FBXO42: variants seen among roughly 807,000 people sequenced by gnomAD.
FBXO42 encodes F-box only protein 42.
Under a neutral mutation model 71.7 loss-of-function variants are expected in FBXO42, and 12 were observed. That is an observed-to-expected ratio of 0.17 (90% CI 0.11 to 0.27). FBXO42 has a LOEUF of 0.27. Ranked by LOEUF, FBXO42 falls within the 10% of genes least tolerant of loss-of-function variation. FBXO42 has a pLI of 1.00. For missense variants in FBXO42, 707 were observed against 911.9 expected, an observed-to-expected ratio of 0.78 and a Z score of 2.89; for synonymous variants, 325 against 327.5, an observed-to-expected ratio of 0.99 and a Z score of 0.08.
rs372405053 is a variant in FBXO42, at chr1:16,251,154, C to T, written c.1670G>A (p.Arg557His). The change falls in exon 10 of 10, where the codon CGT becomes CAT. Residue 557 changes from arginine (R) to histidine (H), a missense_variant. Arg to His is a conservative substitution (Grantham distance 29). Around this residue, in one of 5 missense-constraint regions of FBXO42, gnomAD observed 482 missense variants for 587.1 expected, o/e 0.82. Transcript: ENST00000375592. This position sits in a 1 kb window ranked among gnomAD's most constrained non-coding sequence, Gnocchi z 4.5. The stretch of plus-strand genomic sequence containing the variant: ...CGCTTTGATGGCTTCCAGACTCCGA[C>T]GCAGGGCACCTGGGGAGACGGCCCC... ...LAGAVSPGAL[R>H]RSLEAIKAMS... is the part of the protein sequence containing the mutation. 3.7e-6 allele frequency: 6 copies of T among 1,614,144 alleles called. No homozygotes were observed. The highest frequency in any genetic ancestry group is 3.3e-5 in the Admixed American group (2 of 60,014).
At chr1:16,311,194 G>A (rs2100568136) in intron 2 of FBXO42, among the ~76,000 whole-genome samples, 1 of 149,554 alleles carries the variant, frequency 6.7e-6, no homozygotes, top group South Asian at 2.1e-4. Context: ...AAAAAAAGGG[G>A]GTCAAAGGCC....
At chr1:16,314,207 C>T (rs375706226) in intron 2 of FBXO42, among the ~76,000 whole-genome samples, 167 of 152,264 alleles carry the variant, frequency 1.1e-3, no homozygotes, top group African/African-American at 3.9e-3. Context: ...GCCTTGGCCT[C>T]GCAAAGTGCT....
intron 1 of FBXO42, among the ~76,000 whole-genome samples, chr1:16,328,688 C>T (rs2082470976): frequency 6.6e-6 from 1 of 152,122 alleles, no homozygotes; most frequent in Non-Finnish European, 1.5e-5. Flanking sequence ...ACTGCAAGGG[C>T]CTACAAGTAA....
chr1:16,294,937 A>G lies in FBXO42; in HGVS notation c.368-20T>C, dbSNP rs2983160. On this transcript the variant is annotated intron_variant, in intron 3 of 9. Coordinates refer to ENST00000375592, the MANE Select transcript of FBXO42 (RefSeq NM_018994.3). ...ATGCACCTAGAAAGAAAATACACAA[A>G]TAACTGCTGTGAAAATTCTGAGGCC... 7.4e-3 allele frequency: 11,588 copies of G among 1,569,392 alleles called. 665 individuals carry two copies. In the African/African-American group the frequency reaches 0.13, roughly 18 times the overall value.
chr1:16,315,949 TC>T (rs2082358898), intron 1 of FBXO42, among the ~76,000 whole-genome samples: 1 of 151,986 alleles, frequency 6.6e-6, no homozygotes, highest in African/African-American at 2.4e-5. Context: ...GGCGGGCAGA[TC>T]ACCTGAAGTT....
At chr1:16,329,525 A>C (rs1195060447) in intron 1 of FBXO42, among the ~76,000 whole-genome samples, 1 of 152,020 alleles carries the variant, frequency 6.6e-6, no homozygotes, top group African/African-American at 2.4e-5. Context: ...CAGAGGTTGC[A>C]GTGAGCCAAG....
intron 4 of FBXO42, among the ~76,000 whole-genome samples, chr1:16,279,756 G>A (rs974360889): frequency 6.6e-6 from 1 of 151,696 alleles, no homozygotes; most frequent in Non-Finnish European, 1.5e-5. Context: ...AGAGAAAAGA[G>A]TAACTCTACA....
At chr1:16,275,354 A>G (rs1409418140) in intron 4 of FBXO42, among the ~76,000 whole-genome samples, 1 of 152,214 alleles carries the variant, frequency 6.6e-6, no homozygotes, top group Admixed American at 6.5e-5. Flanking sequence ...GCGATGGCTC[A>G]TGTCTGTAAT....
Position 16,250,814 on chromosome 1 carries a change from C to G in FBXO42, c.2010G>C (p.Val670=). The part of the protein sequence containing the change: ...VKWKVFNSSS[V]VGPPETSLHT... Reference sequence around the variant, plus strand: ...GCAGGCTGGTTTCAGGAGGTCCAACCACAGAACTGCTATTAAATACTTTCC... The same window carrying G: ...GCAGGCTGGTTTCAGGAGGTCCAACGACAGAACTGCTATTAAATACTTTCC... Residue 670 remains valine (V), a synonymous_variant, in exon 10 of 10, where the codon GTG becomes GTC. Transcript: ENST00000375592. This position sits in a 1 kb window ranked among gnomAD's most constrained non-coding sequence, Gnocchi z 4.7. The G allele has an allele frequency of 6.2e-7, 1 of 1,614,158 alleles. No individual in the cohort carries two copies. Among genetic ancestry groups the G allele is most frequent in the Middle Eastern group, 1.6e-4 (1 of 6,062 alleles).
chr1:16,265,537 T>G (rs529805506), intron 4 of FBXO42, among the ~76,000 whole-genome samples: 1 of 152,282 alleles, frequency 6.6e-6, no homozygotes, highest in African/African-American at 2.4e-5. Context: ...ATTTAATCAT[T>G]ATAACCTTAA....
chr1:16,341,898 G>A (rs905754877), intron 1 of FBXO42, among the ~76,000 whole-genome samples: 3 of 150,976 alleles, frequency 2.0e-5, no homozygotes, highest in African/African-American at 7.3e-5. Context: ...TTGAACCTGG[G>A]AGGCGGAGGT....
At chr1:16,335,063 CAAAAAA>C (rs55983316) in intron 1 of FBXO42, among the ~76,000 whole-genome samples, 3 of 68,990 alleles carry the variant, frequency 4.3e-5, no homozygotes, top group East Asian at 4.5e-4. Context: ...CTCGTCTGTA[CAAAAAA>C]AAAAAAAAAA....
rs550480208 is a variant in FBXO42, at chr1:16,287,999, A to G, written c.502+6784T>C. Reference sequence around the variant, plus strand: ...GTCTCTACTAAAAATACAAAAAATTAGCTGGGTGTGGTGGTGGGCGCCTGT... The same window carrying G: ...GTCTCTACTAAAAATACAAAAAATTGGCTGGGTGTGGTGGTGGGCGCCTGT... On this transcript the variant is annotated intron_variant, in intron 4 of 9. Transcript: ENST00000375592. 6.6e-5 allele frequency among the ~76,000 whole-genome samples: 10 copies of G among 152,222 alleles called. No homozygotes were observed. The Middle Eastern group carries it at 0.014, about 207-fold the overall frequency.
chr1:16,266,951 A>C (rs1300496247), intron 4 of FBXO42, among the ~76,000 whole-genome samples: 2 of 152,212 alleles, frequency 1.3e-5, no homozygotes, highest in Admixed American at 1.3e-4. Context: ...CTGCTTACTC[A>C]AAACTATTTT....
At chr1:16,303,307 A>G (rs2082215961) in intron 3 of FBXO42, among the ~76,000 whole-genome samples, 1 of 152,198 alleles carries the variant, frequency 6.6e-6, no homozygotes, top group South Asian at 2.1e-4. Flanking sequence ...ATTTCCCAAC[A>G]GGAGCTCTTA....
intron 1 of FBXO42, among the ~76,000 whole-genome samples, chr1:16,328,619 AC>A (rs1417919430): frequency 4.7e-4 from 72 of 152,114 alleles, no homozygotes; most frequent in African/African-American, 1.7e-3. Context: ...TGCATAATAT[AC>A]ACACACACAC....
chr1:16,287,933 T>C (rs984940607), intron 4 of FBXO42, among the ~76,000 whole-genome samples: 3 of 152,056 alleles, frequency 2.0e-5, no homozygotes, highest in Admixed American at 6.5e-5. Flanking sequence ...GATGAAACCC[T>C]GTCTCTATTA....
chr1:16,338,971 C>T (rs1258274280), intron 1 of FBXO42, among the ~76,000 whole-genome samples: 3 of 151,810 alleles, frequency 2.0e-5, no homozygotes, highest in African/African-American at 7.3e-5. Flanking sequence ...TCATCACCCC[C>T]GGCTAATTTC....
chr1:16,317,732 T>A (rs1393307037), intron 1 of FBXO42, among the ~76,000 whole-genome samples: 1 of 152,014 alleles, frequency 6.6e-6, no homozygotes, highest in Non-Finnish European at 1.5e-5. Context: ...GAGACCAGCC[T>A]GGGCAACAAA....
Sources: gnomAD v4.1 joint callset for allele counts (sites outside exome capture counted in the v4.1 genomes callset) on GRCh38, gnomAD v4.1.1 for gene constraint, gnomAD v4.1.1 regional missense constraint, Gnocchi (gnomAD v3.1) non-coding constraint, MANE v1.5 for transcripts, NCBI Gene and HGNC (gene_info 2026-07-23, HGNC 2026-07-21) for gene names.